Variants in DPP10 observed in about 807,000 individuals in gnomAD.
The protein encoded by DPP10 is inactive dipeptidyl peptidase 10.
A neutral mutation model predicts 120.9 loss-of-function variants in DPP10; 33 were observed. The observed-to-expected ratio is 0.27, with a 90% CI of 0.21 to 0.37. The LOEUF is 0.37. Ranked by LOEUF, DPP10 falls within the 10% of genes least tolerant of loss-of-function variation. The pLI, the probability that DPP10 is intolerant of heterozygous loss-of-function variation, is 1.00. For synonymous variants in DPP10, 337 were observed against 326.1 expected (o/e 1.03, Z -0.36); for missense variants, 816 against 942.8 (o/e 0.87, Z 1.76).
chr2:114,989,984 C>T (rs751792632), intron 1 of DPP10, among the ~76,000 whole-genome samples: 1 of 152,136 alleles, frequency 6.6e-6, no homozygotes, highest in Non-Finnish European at 1.5e-5. Flanking sequence ...GTTTCCTTAA[C>T]TTGCCATATA....
chr2:114,680,572 A>G (rs527426084), intron 1 of DPP10, among the ~76,000 whole-genome samples: 1 of 152,174 alleles, frequency 6.6e-6, no homozygotes, highest in South Asian at 2.1e-4. Flanking sequence ...TTTTCAATTG[A>G]ATAAAAACGT....
At position 115,107,741 on chromosome 2, in the gene DPP10, T is replaced by C. The variant is rs185450620; in HGVS notation, c.61-201498T>C. Among the ~76,000 whole-genome samples the C allele has an allele frequency of 3.7e-3, 566 of 152,266 alleles. 1 individual carries two copies. The highest frequency in any genetic ancestry group is 5.7e-3 in the Admixed American group (87 of 15,296). On this transcript the variant is annotated intron_variant, in intron 1 of 25. Coordinates refer to ENST00000410059, the MANE Select transcript of DPP10 (RefSeq NM_020868.6). ...GATAATGACTAAGGCAATTTTATAG[T>C]ACTTGTGATTTGTTCCGTTAGTATA...
In DPP10 at chr2:114,537,621, A is replaced by G. The variant is rs149023745; in HGVS notation, c.60+94783A>G. 8.8e-3 allele frequency among the ~76,000 whole-genome samples: 1,341 copies of G among 152,292 alleles called. 5 individuals are homozygous for G. Among genetic ancestry groups the G allele is most frequent in the Middle Eastern group, 0.02 (6 of 294 alleles). On this transcript the variant is annotated intron_variant, in intron 1 of 25. Transcript: ENST00000410059. ...GCATCAATTGTTCTCAAAGGCATCT[A>G]TGGGGCAGAGTATGCTTTTCAAAGG...
At chr2:115,336,532 AG>A (rs1201379639) in intron 2 of DPP10, among the ~76,000 whole-genome samples, 1 of 151,436 alleles carries the variant, frequency 6.6e-6, no homozygotes, top group Non-Finnish European at 1.5e-5. Context: ...AAAATATAGT[AG>A]GTTTTCAGAC....
intron 1 of DPP10, among the ~76,000 whole-genome samples, chr2:115,101,334 T>C (rs1323500719): frequency 6.6e-6 from 1 of 152,182 alleles, no homozygotes; most frequent in East Asian, 1.9e-4. Flanking sequence ...TATCTCGTGG[T>C]TGGCTGACAC....
intron 7 of DPP10, among the ~76,000 whole-genome samples, chr2:115,727,586 A>G (rs907336294): frequency 6.6e-6 from 1 of 152,158 alleles, no homozygotes; most frequent in African/African-American, 2.4e-5. Context: ...ATTTAAAAGC[A>G]TCAATACCAA....
chr2:115,416,751 G>T (rs1278315822), intron 3 of DPP10, among the ~76,000 whole-genome samples: 1 of 152,126 alleles, frequency 6.6e-6, no homozygotes, highest in African/African-American at 2.4e-5. Context: ...TCTCACAAGA[G>T]ATAAACATAA....
intron 1 of DPP10, among the ~76,000 whole-genome samples, chr2:114,635,125 ATTGT>A (rs1188260590): frequency 1.3e-5 from 2 of 150,516 alleles, no homozygotes; most frequent in Non-Finnish European, 3.0e-5. Flanking sequence ...TAACTTCCTC[ATTGT>A]TTTTTTTTTC....
In DPP10 at chr2:114,629,850, TA is replaced by T. The variant is rs1054804945; in HGVS notation, c.60+187020del. Among the ~76,000 whole-genome samples the T allele has an allele frequency of 5.3e-5, 8 of 151,908 alleles. No individual in the cohort carries two copies. The East Asian group carries it at 9.7e-4, about 18-fold the overall frequency. ...TAGTAACTTTTTAAAATATTCAAAA[TA>T]AAAAAAACCCTCAGTGGACACCAAT... is the stretch of plus-strand genomic sequence containing the variant. On this transcript the variant is annotated intron_variant, in intron 1 of 25. Transcript: ENST00000410059.
chr2:115,002,583 T>C (rs567280757), intron 1 of DPP10, among the ~76,000 whole-genome samples: 1 of 152,040 alleles, frequency 6.6e-6, no homozygotes, highest in African/African-American at 2.4e-5. Flanking sequence ...AAACAACCTA[T>C]ACAATGGGAG....
At chr2:115,352,836 A>G (rs927961369) in intron 3 of DPP10, among the ~76,000 whole-genome samples, 1 of 152,106 alleles carries the variant, frequency 6.6e-6, no homozygotes, top group African/African-American at 2.4e-5. Context: ...CTCCAAAATC[A>G]AAAACACATC....
At position 115,356,460 on chromosome 2, in the gene DPP10, A is replaced by G. The variant is rs184597795; in HGVS notation, c.271+12548A>G. Reference sequence around the variant, plus strand: ...TCAGCTTAAGGAGTTTTGGGCTGAGATGATGGAGTTTTCTAAATGTAGATT... The same window carrying G: ...TCAGCTTAAGGAGTTTTGGGCTGAGGTGATGGAGTTTTCTAAATGTAGATT... On this transcript the variant is annotated intron_variant, in intron 3 of 25. Transcript: ENST00000410059. 6.2e-4 allele frequency among the ~76,000 whole-genome samples: 94 copies of G among 152,196 alleles called. 1 individual carries two copies. In the South Asian group the frequency reaches 9.7e-3, roughly 16 times the overall value.
At chr2:114,837,477 A>C (rs772083781) in intron 1 of DPP10, among the ~76,000 whole-genome samples, 14 of 152,172 alleles carry the variant, frequency 9.2e-5, no homozygotes, top group Non-Finnish European at 1.9e-4. Flanking sequence ...TATTTTATAG[A>C]AAATATTGAG....
intron 3 of DPP10, among the ~76,000 whole-genome samples, chr2:115,408,753 A>G (rs1012969271): frequency 6.6e-5 from 10 of 152,200 alleles, no homozygotes; most frequent in Admixed American, 6.6e-5. Context: ...AGATATTAAA[A>G]AAATCATATG....
At chr2:114,442,892 T>C in intron 1 of DPP10, 54 bp downstream of exon 1, 1 of 1,597,016 alleles carries the variant, frequency 6.3e-7, no homozygotes, top group Middle Eastern at 1.7e-4. Flanking sequence ...TTCATCTACC[T>C]AACACATGGG....
chr2:115,446,532 G>C (rs1205129918), intron 3 of DPP10, among the ~76,000 whole-genome samples: 1 of 151,486 alleles, frequency 6.6e-6, no homozygotes, highest in East Asian at 2.0e-4. Context: ...TTTCAGTCAG[G>C]AGCACTCTCT....
Position 115,427,329 on chromosome 2 carries a change from T to C in DPP10, c.272-72181T>C, listed in dbSNP as rs2070571612. Among the ~76,000 whole-genome samples the C allele has an allele frequency of 2.0e-5, 3 of 152,356 alleles. No individual in the cohort carries two copies. The South Asian group carries it at 6.2e-4, about 32-fold the overall frequency. Reference sequence around the variant, plus strand: ...CATAGCACTACCCTGGTAGAGTTTCTCTGTGAGGGCTCTGCCCCTAAAGCA... The same window carrying C: ...CATAGCACTACCCTGGTAGAGTTTCCCTGTGAGGGCTCTGCCCCTAAAGCA... On this transcript the variant is annotated intron_variant, in intron 3 of 25. Transcript: ENST00000410059.
At chr2:115,541,432 T>C (rs1404066975) in intron 5 of DPP10, among the ~76,000 whole-genome samples, 2 of 151,766 alleles carry the variant, frequency 1.3e-5, no homozygotes, top group Admixed American at 1.3e-4. Context: ...CCAAGAAGTT[T>C]CAAACAGCAC....
intron 5 of DPP10, among the ~76,000 whole-genome samples, chr2:115,667,516 T>C (rs1046333401): frequency 6.6e-6 from 1 of 152,166 alleles, no homozygotes; most frequent in African/African-American, 2.4e-5. Context: ...GAGTTGGTTT[T>C]TGTATGTGGT....
Sources: allele counts gnomAD v4.1 joint callset (sites outside exome capture counted in the v4.1 genomes callset), GRCh38; gene constraint gnomAD v4.1.1; transcripts MANE v1.5; gene names NCBI Gene and HGNC (gene_info 2026-07-23, HGNC 2026-07-21).